LUZP2: variants seen among roughly 807,000 people sequenced by gnomAD.
LUZP2 encodes the protein leucine zipper protein 2.
In LUZP2, 52 loss-of-function variants were observed where a neutral mutation model predicts 51.6. The observed-to-expected ratio is 1.01, with a 90% confidence interval of 0.81 to 1.27. LUZP2 has a LOEUF of 1.27. Among genes scored for constraint, LUZP2 ranks in the 50% most tolerant of loss-of-function variants. The probability of loss-of-function intolerance (pLI) is 0.00; values close to 1 mark genes in which losing one functional copy is unlikely to be tolerated. For missense variants in LUZP2, 436 were observed against 395.4 expected (o/e 1.10, Z -0.87); for synonymous variants, 154 against 137.3 (o/e 1.12, Z -0.85).
chr11:24,939,456 T>C (rs2133846962), intron 7 of LUZP2, among the ~76,000 whole-genome samples: 1 of 152,128 alleles, frequency 6.6e-6, no homozygotes, highest in South Asian at 2.1e-4. Context: ...AACCTATTAG[T>C]ACCTTCCTAC....
chr11:24,732,251 C>T lies in LUZP2; in HGVS notation c.251+63C>T, dbSNP rs1858741857. On this transcript the variant is annotated intron_variant, in intron 3 of 11. Transcript: ENST00000336930. ...AGTGTCAAGCAACATTCAGAAACTT[C>T]ACAAAATTTATTGATTCTAAATATA... 3 of 1,227,204 alleles carry T rather than the reference C, an allele frequency of 2.4e-6. No individual in the cohort carries two copies. In the Admixed American group the frequency reaches 7.2e-5, roughly 29 times the overall value. 76.0% of individuals were successfully genotyped at this position (1,227,204 alleles called of 1,614,324 possible).
intron 9 of LUZP2, among the ~76,000 whole-genome samples, chr11:25,049,389 A>G (rs966517136): frequency 5.9e-5 from 9 of 152,206 alleles, no homozygotes; most frequent in African/African-American, 2.2e-4. Flanking sequence ...CTATAGCGGT[A>G]TTTCTATACA....
At chr11:24,748,739 G>A (rs1859471753) in intron 4 of LUZP2, among the ~76,000 whole-genome samples, 1 of 152,144 alleles carries the variant, frequency 6.6e-6, no homozygotes, top group Non-Finnish European at 1.5e-5. Context: ...TTATAGGTAT[G>A]AGCCACTGCA....
intron 5 of LUZP2, among the ~76,000 whole-genome samples, chr11:24,838,091 A>G (rs1384548510): frequency 1.5e-5 from 1 of 67,104 alleles, no homozygotes; most frequent in African/African-American, 4.2e-5. Context: ...TGGTCCAACT[A>G]AGGCTTAGAA....
chr11:24,963,830 A>G (rs1237713203), intron 7 of LUZP2, among the ~76,000 whole-genome samples: 1 of 152,094 alleles, frequency 6.6e-6, no homozygotes, highest in African/African-American at 2.4e-5. Context: ...CCTCAGATGG[A>G]AATGCAGAAA....
intron 9 of LUZP2, among the ~76,000 whole-genome samples, chr11:25,018,897 T>A (rs1022383150): frequency 3.9e-4 from 60 of 152,254 alleles, no homozygotes; most frequent in African/African-American, 1.4e-3. Flanking sequence ...AGTAAGCCAA[T>A]AAGTCCAGCC....
chr11:24,758,652 C>G (rs17307124), intron 4 of LUZP2, among the ~76,000 whole-genome samples: 17,266 of 151,988 alleles, frequency 0.11, 1,108 homozygotes, highest in African/African-American at 0.14. Flanking sequence ...CTGATGCTCT[C>G]TCTCAAATTG....
chr11:24,612,606 A>G (rs1854158251), intron 1 of LUZP2, among the ~76,000 whole-genome samples: 3 of 152,130 alleles, frequency 2.0e-5, no homozygotes, highest in Non-Finnish European at 4.4e-5. Context: ...TTTTGTGAAT[A>G]GGGCTAGCCT....
intron 9 of LUZP2, among the ~76,000 whole-genome samples, chr11:24,986,014 G>T (rs1177464485): frequency 1.3e-5 from 2 of 151,642 alleles, no homozygotes; most frequent in East Asian, 3.9e-4. Flanking sequence ...TGACAAAAGT[G>T]CATTTATTCC....
intron 1 of LUZP2, among the ~76,000 whole-genome samples, chr11:24,592,138 T>C (rs941485202): frequency 1.3e-5 from 2 of 152,200 alleles, no homozygotes; most frequent in Non-Finnish European, 2.9e-5. Flanking sequence ...GTGAGTTGTA[T>C]TGGTTTTACT....
At chr11:24,578,600 A>G (rs11028036) in intron 1 of LUZP2, among the ~76,000 whole-genome samples, 52,072 of 151,688 alleles carry the variant, frequency 0.34, 10,259 homozygotes, top group East Asian at 0.52. Context: ...CCCATGAAAA[A>G]GAAAGAAAAT....
intron 1 of LUZP2, among the ~76,000 whole-genome samples, chr11:24,713,683 G>GTT (rs374748977): frequency 0.032 from 2,855 of 89,638 alleles, 268 homozygotes; most frequent in African/African-American, 0.064. Flanking sequence ...GTGAGAATCT[G>GTT]TTTTTTTTTT....
intron 1 of LUZP2, among the ~76,000 whole-genome samples, chr11:24,529,532 TAATA>T (rs66974651): frequency 0.14 from 20,519 of 150,992 alleles, 1,953 homozygotes; most frequent in African/African-American, 0.26. Flanking sequence ...TTATTTCTGA[TAATA>T]AATTGCTTTC....
chr11:24,660,438 A>G (rs1214576809), intron 1 of LUZP2, among the ~76,000 whole-genome samples: 2 of 152,244 alleles, frequency 1.3e-5, no homozygotes, highest in African/African-American at 4.8e-5. Flanking sequence ...AAGAACTTTT[A>G]CAATGACTTG....
intron 7 of LUZP2, among the ~76,000 whole-genome samples, chr11:24,944,813 TG>T (rs1017583857): frequency 8.5e-4 from 129 of 152,302 alleles, no homozygotes; most frequent in African/African-American, 3.1e-3. Context: ...TAGTCAGAGC[TG>T]AAAGACATGC....
At chr11:24,977,722 G>A (rs1855917390) in intron 8 of LUZP2, among the ~76,000 whole-genome samples, 1 of 151,220 alleles carries the variant, frequency 6.6e-6, no homozygotes, top group African/African-American at 2.4e-5. Context: ...TTGCACATAT[G>A]CCCATAATAT....
rs12276693 is a variant in LUZP2, at chr11:24,611,171, T to C, written c.62+113866T>C. On this transcript the variant is annotated intron_variant, in intron 1 of 11. Coordinates refer to ENST00000336930, the MANE Select transcript of LUZP2 (RefSeq NM_001009909.4). This position sits in a 1 kb window ranked among gnomAD's most constrained non-coding sequence, Gnocchi z 4.6. The stretch of plus-strand genomic sequence containing the variant: ...AAATCTTGTGAAGTTAAAATGTTTA[T>C]ATTATTCATTCAAAAATAGTCAACT... Among the ~76,000 whole-genome samples the C allele has an allele frequency of 8.5e-5, 13 of 152,176 alleles. No individual in the cohort carries two copies. Among genetic ancestry groups the C allele is most frequent in the African/African-American group, 3.1e-4 (13 of 41,444 alleles).
chr11:24,943,190 G>C (rs1252294913), intron 7 of LUZP2, among the ~76,000 whole-genome samples: 1 of 152,046 alleles, frequency 6.6e-6, no homozygotes, highest in African/African-American at 2.4e-5. Flanking sequence ...ATTAATTCTG[G>C]GTTTGCCGCT....
intron 9 of LUZP2, among the ~76,000 whole-genome samples, chr11:25,028,477 A>T (rs1373302258): frequency 6.6e-6 from 1 of 152,094 alleles, no homozygotes; most frequent in Non-Finnish European, 1.5e-5. Flanking sequence ...AAAGAATGAG[A>T]TTTTTTCATC....
Sources: gnomAD v4.1 joint callset for allele counts (sites outside exome capture counted in the v4.1 genomes callset) on GRCh38, gnomAD v4.1.1 for gene constraint, Gnocchi (gnomAD v3.1) non-coding constraint, MANE v1.5 for transcripts, NCBI Gene and HGNC (gene_info 2026-07-23, HGNC 2026-07-21) for gene names.